The following ANXA8 variants were observed in gnomAD, a reference collection of about 807,000 sequenced individuals.
The protein encoded by ANXA8 is VAC-beta.
Under a neutral mutation model 26.8 loss-of-function variants are expected in ANXA8, and 9 were observed. That is an observed-to-expected ratio of 0.34 (90% CI 0.20 to 0.59). The LOEUF (loss-of-function observed/expected upper bound fraction) is 0.59. Ranked by LOEUF, ANXA8 falls within the 20% of genes least tolerant of loss-of-function variation. ANXA8 has a pLI of 0.84. For synonymous variants in ANXA8, 39 were observed against 94.8 expected, an observed-to-expected ratio of 0.41 and a Z score of 3.42; for missense variants, 83 against 238.5, an observed-to-expected ratio of 0.35 and a Z score of 4.29.
chr10:47,969,259 G>A, the ANXA8 span, among the ~76,000 whole-genome samples: 1 of 151,484 alleles, frequency 6.6e-6, no homozygotes, highest in South Asian at 2.1e-4. Context: ...TTAGAGAATT[G>A]TTTCAGCTTT....
chr10:47,957,128 T>G, the ANXA8 span, among the ~76,000 whole-genome samples: 1 of 150,038 alleles, frequency 6.7e-6, no homozygotes, highest in Non-Finnish European at 1.5e-5. Context: ...TGAGCAAGGT[T>G]GGCAGTGAGT....
At position 47,468,662 on chromosome 10, in the gene ANXA8, G is replaced by A; in HGVS notation, c.*185C>T. On this transcript the variant is annotated 3_prime_UTR_variant, in exon 12 of 12. Transcript: ENST00000585281. ...TGGGAAATGACCTGGAGGAAGTTGG[G>A]AAGAGGAGTCCAGGCCGGTTCCACC... 1.0e-6 allele frequency: 1 copy of A among 966,882 alleles called. No individual in the cohort carries two copies. Among genetic ancestry groups the A allele is most frequent in the South Asian group, 1.8e-5 (1 of 57,100 alleles). 59.9% of individuals were successfully genotyped at this position (966,882 alleles called of 1,614,324 possible).
chr10:47,702,343 C>CT, the ANXA8 span, among the ~76,000 whole-genome samples: 6,447 of 139,988 alleles, frequency 0.046, 340 homozygotes, highest in African/African-American at 0.14. Flanking sequence ...CTTTTCTTTT[C>CT]TTTTTTTTTT....
the ANXA8 span, among the ~76,000 whole-genome samples, chr10:47,744,448 G>A: frequency 1.7e-5 from 1 of 60,302 alleles, no homozygotes; most frequent in African/African-American, 5.6e-5. Flanking sequence ...AAGAGGGGGG[G>A]CCTTGCAGAT....
the ANXA8 span, among the ~76,000 whole-genome samples, chr10:47,651,484 G>T: frequency 6.6e-6 from 1 of 150,900 alleles, no homozygotes; most frequent in Non-Finnish European, 1.5e-5. Flanking sequence ...CATCCCAAGA[G>T]AAATGACAAC....
chr10:47,745,726 A>G, the ANXA8 span, among the ~76,000 whole-genome samples: 1 of 136,166 alleles, frequency 7.3e-6, no homozygotes, highest in Non-Finnish European at 1.6e-5. Context: ...TCCAGGAAAC[A>G]TCAGCATGGT....
At chr10:47,939,272 C>T in the ANXA8 span, among the ~76,000 whole-genome samples, 4 of 132,670 alleles carry the variant, frequency 3.0e-5, no homozygotes, top group East Asian at 7.0e-4. Context: ...CATTGCACTC[C>T]AGCCTGGGCA....
At chr10:47,699,364 A>AG in the ANXA8 span, among the ~76,000 whole-genome samples, 3 of 148,180 alleles carry the variant, frequency 2.0e-5, no homozygotes, top group South Asian at 2.1e-4. Context: ...AAAAAAAAAA[A>AG]AAAGAAAGAA....
chr10:47,606,369 C>T, the ANXA8 span, among the ~76,000 whole-genome samples: 1 of 148,240 alleles, frequency 6.7e-6, no homozygotes, highest in African/African-American at 2.6e-5. Flanking sequence ...GGATCCCAGC[C>T]ACACTCCTGA....
At chr10:47,690,817 T>G in the ANXA8 span, 2 of 1,611,328 alleles carry the variant, frequency 1.2e-6, no homozygotes, top group Non-Finnish European at 1.7e-6. Flanking sequence ...ACTAAATACC[T>G]TCCACAAAAG....
At chr10:47,732,907 A>G in the ANXA8 span, among the ~76,000 whole-genome samples, 1 of 148,172 alleles carries the variant, frequency 6.7e-6, no homozygotes, top group African/African-American at 2.5e-5. Flanking sequence ...AAATATTTAA[A>G]CAAAATTATA....
At chr10:47,587,363 G>A in the ANXA8 span, among the ~76,000 whole-genome samples, 3 of 148,318 alleles carry the variant, frequency 2.0e-5, no homozygotes, top group African/African-American at 5.3e-5. Flanking sequence ...TGGGGGTATC[G>A]TTCTAACTTC....
At chr10:47,733,201 CTTTCTTTCTT>C in the ANXA8 span, among the ~76,000 whole-genome samples, 153 of 89,114 alleles carry the variant, frequency 1.7e-3, no homozygotes, top group African/African-American at 3.1e-3. Flanking sequence ...TTCTTTCTTT[CTTTCTTTCTT>C]TCTTTCTTTC....
the ANXA8 span, among the ~76,000 whole-genome samples, chr10:47,495,659 AGAGGAG>A: frequency 0.014 from 1,742 of 120,770 alleles, 29 homozygotes; most frequent in African/African-American, 0.03. Context: ...CTGAGGAGGA[AGAGGAG>A]GAGGAGGAGG....
chr10:47,530,717 G>A, the ANXA8 span, among the ~76,000 whole-genome samples: 9 of 131,172 alleles, frequency 6.9e-5, no homozygotes, highest in Admixed American at 2.4e-4. Context: ...AAAAAAGAGA[G>A]AAAATAAACA....
the ANXA8 span, among the ~76,000 whole-genome samples, chr10:47,660,918 A>G: frequency 6.6e-6 from 1 of 151,722 alleles, no homozygotes; most frequent in African/African-American, 2.4e-5. Context: ...AAAGTTTTTC[A>G]TCTTTTGCTG....
At chr10:47,682,075 G>A in the ANXA8 span, among the ~76,000 whole-genome samples, 3 of 150,658 alleles carry the variant, frequency 2.0e-5, no homozygotes, top group East Asian at 3.9e-4. Flanking sequence ...CCAAACATGG[G>A]TTCTCTGTCT....
chr10:47,500,302 A>T, the ANXA8 span, among the ~76,000 whole-genome samples: 1 of 138,060 alleles, frequency 7.2e-6, no homozygotes, highest in African/African-American at 2.7e-5. Context: ...CTAGTCCTGT[A>T]TATCCAAATG....
the ANXA8 span, among the ~76,000 whole-genome samples, chr10:47,987,596 TTG>T: frequency 1.6e-4 from 24 of 149,164 alleles, no homozygotes; most frequent in African/African-American, 6.0e-4. Flanking sequence ...ACGAGGGAAC[TTG>T]GACACCTGCA....
Sources: allele counts gnomAD v4.1 joint callset (sites outside exome capture counted in the v4.1 genomes callset), GRCh38; gene constraint gnomAD v4.1.1; transcripts MANE v1.5; gene names NCBI Gene and HGNC (gene_info 2026-07-23, HGNC 2026-07-21).